Variants in SMAP2 observed in about 807,000 individuals in gnomAD.
SMAP2 encodes the protein stromal membrane-associated protein 2.
In SMAP2, 25 loss-of-function variants were observed where a neutral mutation model predicts 56.4. The observed-to-expected ratio is 0.44, with a 90% CI of 0.32 to 0.62. The LOEUF (loss-of-function observed/expected upper bound fraction) is 0.62. Among genes scored for constraint, SMAP2 ranks in the 20% least tolerant of loss-of-function variants. The pLI is 0.04. For missense variants in SMAP2, 388 were observed against 545.6 expected, an observed-to-expected ratio of 0.71 and a Z score of 2.88; for synonymous variants, 157 against 181.7, an observed-to-expected ratio of 0.86 and a Z score of 1.09.
intron 1 of SMAP2, among the ~76,000 whole-genome samples, chr1:40,405,464 C>T (rs146401739): frequency 3.4e-4 from 52 of 152,222 alleles, no homozygotes; most frequent in African/African-American, 1.2e-3. Flanking sequence ...ACTCCCTGTC[C>T]GGGTGACAGC....
intron 8 of SMAP2, among the ~76,000 whole-genome samples, 199 bp downstream of exon 8, chr1:40,416,540 A>G (rs113288495): frequency 1.1e-4 from 17 of 152,316 alleles, no homozygotes; most frequent in African/African-American, 3.8e-4. Context: ...TGGGGTCACA[A>G]TTCGGTGAAG....
At chr1:40,354,935 G>T (rs1038959362) in intron 1 of SMAP2, among the ~76,000 whole-genome samples, 1 of 150,298 alleles carries the variant, frequency 6.7e-6, no homozygotes, top group African/African-American at 2.4e-5. Context: ...AGGCACCCAC[G>T]ACCAAACCCA....
Position 40,374,611 on chromosome 1 carries a change from G to A in SMAP2, c.103+388G>A. ...TGCGTGCGTGCGTGTGTGTGTGTGT[G>A]TGTGTGTGTGTGTGAGAGAGAGAGA... On this transcript the variant is annotated intron_variant, in intron 1 of 9. Coordinates refer to ENST00000372718, the MANE Select transcript of SMAP2 (RefSeq NM_022733.3). The surrounding 1 kb of genome is among the most constrained non-coding windows in gnomAD (Gnocchi z 5.9). The A allele has an allele frequency of 7.1e-7, 1 of 1,403,424 alleles. No homozygotes were observed. The highest frequency in any genetic ancestry group is 9.8e-7 in the Non-Finnish European group (1 of 1,015,550). The allele number at this position is 1,403,424 out of a possible 1,614,324, so 86.9% of individuals were successfully genotyped here. A position where few individuals can be genotyped will look rare whatever the true frequency, so the allele number is the denominator to read the frequency against.
chr1:40,381,566 G>A lies in SMAP2; in HGVS notation c.103+7343G>A, dbSNP rs566190115. Among the ~76,000 whole-genome samples, 13 of 152,180 alleles carry A rather than the reference G, an allele frequency of 8.5e-5. No homozygotes were observed. In the South Asian group the frequency reaches 2.3e-3, roughly 27 times the overall value. ...TTGTGTGTGTGTGTGTGCGTGTGGG[G>A]ATTCTTTAGTATATTTTGACTGCAT... On this transcript the variant is annotated intron_variant, in intron 1 of 9. Coordinates refer to ENST00000372718, the MANE Select transcript of SMAP2 (RefSeq NM_022733.3).
At chr1:40,365,377 TAAAG>T (rs1644477500) in intron 2 of SMAP2, among the ~76,000 whole-genome samples, 1 of 152,078 alleles carries the variant, frequency 6.6e-6, no homozygotes, top group Non-Finnish European at 1.5e-5. Flanking sequence ...ATAAAAACAA[TAAAG>T]AGAAATTATC....
intron 1 of SMAP2, among the ~76,000 whole-genome samples, chr1:40,345,389 G>GA (rs1218776293): frequency 8.3e-4 from 116 of 139,042 alleles, no homozygotes; most frequent in Admixed American, 8.7e-4. Flanking sequence ...TGTCTCTAAG[G>GA]AAAAAAAAAA....
In SMAP2 at chr1:40,386,758, A is replaced by G. The variant is rs1644659841; in HGVS notation, c.103+12535A>G. On this transcript the variant is annotated intron_variant, in intron 1 of 9. Transcript: ENST00000372718. The surrounding 1 kb of genome is among the most constrained non-coding windows in gnomAD (Gnocchi z 4.1). ...AATGCTGGTTTTTTTTAAAACAACA[A>G]CAACTTTATCTTTTATGATTCTGAA... Among the ~76,000 whole-genome samples the G allele has an allele frequency of 6.6e-6, 1 of 152,092 alleles. No homozygotes were observed. Among genetic ancestry groups the G allele is most frequent in the Non-Finnish European group, 1.5e-5 (1 of 68,020 alleles).
chr1:40,386,665 C>G lies in SMAP2; in HGVS notation c.103+12442C>G, dbSNP rs1004140. Among the ~76,000 whole-genome samples the G allele has an allele frequency of 7.3e-6, 1 of 136,136 alleles. No homozygotes were observed. The highest frequency in any genetic ancestry group is 1.5e-5 in the Non-Finnish European group (1 of 67,876). The allele number at this position is 136,136 out of a possible 152,430, so 89.3% of individuals were successfully genotyped here. On this transcript the variant is annotated intron_variant, in intron 1 of 9. Transcript: ENST00000372718. The surrounding 1 kb of genome is among the most constrained non-coding windows in gnomAD (Gnocchi z 4.1). ...GCCATAGGAACAGACCAGTTGTTTT[C>G]TGTCTTGTGGGATTTTAGGAGCTGG...
chr1:40,396,722 A>T lies in SMAP2; in HGVS notation c.104-10014A>T, dbSNP rs958442728. The T allele has an allele frequency of 2.6e-5, 12 of 465,748 alleles. No individual in the cohort carries two copies. In the Admixed American group the frequency reaches 7.7e-4, roughly 30 times the overall value. The allele number at this position is 465,748 out of a possible 1,614,324, so 28.9% of individuals were successfully genotyped here. A position where few individuals can be genotyped will look rare whatever the true frequency, so the allele number is the denominator to read the frequency against. ...AAGTTCAAAGTTACTGTTTATTGTT[A>T]TTTTGGAATAAGGAACTTGATGAAC... is the stretch of plus-strand genomic sequence containing the variant. On this transcript the variant is annotated intron_variant, in intron 1 of 9. Transcript: ENST00000372718.
intron 1 of SMAP2, chr1:40,393,444 GCACAAAAAGAT>G (rs1644736921): frequency 6.5e-7 from 1 of 1,534,642 alleles, no homozygotes; most frequent in Admixed American, 2.0e-5. Flanking sequence ...AGCAAGATTT[GCACAAAAAGAT>G]GTTTTGCAAA....
At chr1:40,398,654 G>A (rs1454689918) in intron 1 of SMAP2, among the ~76,000 whole-genome samples, 3 of 152,010 alleles carry the variant, frequency 2.0e-5, no homozygotes, top group African/African-American at 7.2e-5. Context: ...TTACAAGTGG[G>A]GTCAAAGGAT....
At chr1:40,393,038 G>T (rs1170659362) in intron 1 of SMAP2, among the ~76,000 whole-genome samples, 1 of 150,986 alleles carries the variant, frequency 6.6e-6, no homozygotes, top group African/African-American at 2.4e-5. Context: ...GGAGGCGGAG[G>T]TTGCAGTGAG....
At chr1:40,370,582 C>A, upstream of SMAP2, among the ~76,000 whole-genome samples, 1 of 118,344 alleles carries the variant, frequency 8.4e-6, no homozygotes, top group Non-Finnish European at 1.8e-5. Context: ...TGGAAATCAT[C>A]ATTCTTAGTA....
chr1:40,421,889 G>T, intron 9 of SMAP2, 87 bp from the exon 10 acceptor site: 2 of 1,485,388 alleles, frequency 1.3e-6, no homozygotes, highest in African/African-American at 1.4e-5. Context: ...CCCCATCCTG[G>T]CAGAGAAAGG....
In SMAP2 at chr1:40,406,760, T is replaced by C; in HGVS notation, c.128T>C (p.Ile43Thr). The change falls in exon 2 of 10, where the codon ATT (isoleucine) becomes ACT (threonine). Residue 43 changes from isoleucine (I) to threonine (T), a missense_variant. Transcript: ENST00000372718. ...GGGCCGCGATGGGCCTCTTGGAACA[T>C]TGGTGTGTTCATCTGCATTCGATGT... is the stretch of plus-strand genomic sequence containing the variant. Reference protein sequence around the residue: ...SKGPRWASWNIGVFICIRCAG... With the variant: ...SKGPRWASWNTGVFICIRCAG... 1 of 1,613,858 alleles carries C rather than the reference T, an allele frequency of 6.2e-7. No individual in the cohort carries two copies. Among genetic ancestry groups the C allele is most frequent in the Non-Finnish European group, 8.5e-7 (1 of 1,179,788 alleles).
At chr1:40,355,694 C>G (rs1251689437) in intron 1 of SMAP2, among the ~76,000 whole-genome samples, 2 of 152,046 alleles carry the variant, frequency 1.3e-5, no homozygotes, top group Non-Finnish European at 2.9e-5. Context: ...CCGGTCAGGG[C>G]TCACTTCAGC....
At chr1:40,356,241 C>T (rs962035129) in intron 1 of SMAP2, among the ~76,000 whole-genome samples, 1 of 152,176 alleles carries the variant, frequency 6.6e-6, no homozygotes, top group African/African-American at 2.4e-5. Context: ...TTGACAGACA[C>T]TTAGGTTGCT....
rs140414232 is a variant in SMAP2 at position 40,396,467 on chromosome 1, T to G, written c.104-10269T>G. Among the ~76,000 whole-genome samples the G allele has an allele frequency of 3.2e-3, 487 of 152,342 alleles. 1 individual carries two copies. Among genetic ancestry groups the G allele is most frequent in the African/African-American group, 0.011 (468 of 41,582 alleles). On this transcript the variant is annotated intron_variant, in intron 1 of 9. Coordinates refer to ENST00000372718, the MANE Select transcript of SMAP2 (RefSeq NM_022733.3). The stretch of plus-strand genomic sequence containing the variant: ...GGATTTACCTTTATTCTCTAACCAG[T>G]CTCAGACATGTTTTAATTTTCTTTG...
chr1:40,381,960 C>T (rs1557830780), intron 1 of SMAP2, among the ~76,000 whole-genome samples: 1 of 152,132 alleles, frequency 6.6e-6, no homozygotes, highest in South Asian at 2.1e-4. Flanking sequence ...ATTTTTGAGG[C>T]TGAACATGCT....
Sources: allele counts gnomAD v4.1 joint callset (sites outside exome capture counted in the v4.1 genomes callset), GRCh38; gene constraint gnomAD v4.1.1; non-coding constraint Gnocchi (gnomAD v3.1); transcripts MANE v1.5; gene names NCBI Gene and HGNC (gene_info 2026-07-23, HGNC 2026-07-21).